Variants in MYOF observed in about 807,000 individuals in gnomAD.
MYOF encodes fer-1-like 3, myoferlin.
Under a neutral mutation model 284.2 loss-of-function variants are expected in MYOF, and 244 were observed. The ratio of observed to expected loss-of-function variants is 0.86; its 90% CI spans 0.77 to 0.95. The LOEUF is 0.95. Among genes scored for constraint, MYOF ranks in the 40% least tolerant of loss-of-function variants. The pLI is 0.00. For missense variants in MYOF, 2,496 were observed against 2,560.6 expected (o/e 0.97, Z 0.54); for synonymous variants, 904 against 919.7 (o/e 0.98, Z 0.31).
intron 27 of MYOF, among the ~76,000 whole-genome samples, chr10:93,362,665 A>G (rs1201623242): frequency 6.6e-6 from 1 of 152,226 alleles, no homozygotes; most frequent in African/African-American, 2.4e-5. Context: ...AGAGTTATGA[A>G]AAGAAAGTTC....
intron 7 of MYOF, among the ~76,000 whole-genome samples, chr10:93,404,661 A>AC (rs1450943264): frequency 6.6e-6 from 1 of 151,432 alleles, no homozygotes; most frequent in African/African-American, 2.4e-5. Context: ...AAAAAAAAAA[A>AC]AGGGAAAAAG....
intron 1 of MYOF, among the ~76,000 whole-genome samples, chr10:93,472,177 G>A (rs1425774681): frequency 6.6e-6 from 1 of 152,130 alleles, no homozygotes; most frequent in East Asian, 1.9e-4. Flanking sequence ...TGCAGCAAGT[G>A]TGAGCTGAAA....
At chr10:93,447,472 A>G (rs573196902) in intron 3 of MYOF, among the ~76,000 whole-genome samples, 2 of 152,266 alleles carry the variant, frequency 1.3e-5, no homozygotes, top group South Asian at 2.1e-4. Context: ...TTAAGCCCCT[A>G]CACCTGGAAC....
At chr10:93,312,569 A>G (rs1842435733) in intron 51 of MYOF, among the ~76,000 whole-genome samples, 1 of 151,838 alleles carries the variant, frequency 6.6e-6, no homozygotes. Context: ...CACGTTGGCC[A>G]GGCTGGTCTC....
chr10:93,364,156 T>G (rs2133938787), intron 26 of MYOF, 81 bp from the exon 27 acceptor site: 2 of 1,183,818 alleles, frequency 1.7e-6, no homozygotes, highest in Middle Eastern at 1.9e-4. Context: ...TCAGGAAGCA[T>G]CTACACCCTG....
intron 3 of MYOF, among the ~76,000 whole-genome samples, chr10:93,438,172 C>T (rs2056125074): frequency 6.6e-6 from 1 of 152,088 alleles, no homozygotes; most frequent in Non-Finnish European, 1.5e-5. Context: ...GACATTTCCT[C>T]TTAGGAATTT....
chr10:93,443,642 C>CAG (rs1564723579), intron 3 of MYOF, among the ~76,000 whole-genome samples: 3 of 152,142 alleles, frequency 2.0e-5, no homozygotes, highest in African/African-American at 7.2e-5. Context: ...GGAAATGAGT[C>CAG]TCTCTAGGCA....
intron 16 of MYOF, among the ~76,000 whole-genome samples, chr10:93,393,911 T>C (rs76698980): frequency 0.04 from 6,066 of 152,272 alleles, 414 homozygotes; most frequent in African/African-American, 0.14. Flanking sequence ...CAATAAATAG[T>C]GCTTACATTC....
chr10:93,389,708 C>A (rs529079009), intron 17 of MYOF, among the ~76,000 whole-genome samples: 58 of 152,146 alleles, frequency 3.8e-4, no homozygotes, highest in Non-Finnish European at 5.7e-4. Flanking sequence ...GATTCCCATT[C>A]ATTGCTTTCT....
At position 93,455,212 on chromosome 10, in the gene MYOF, C is replaced by T. The variant is rs77323656; in HGVS notation, c.144+1670G>A. On this transcript the variant is annotated intron_variant, in intron 2 of 53. Coordinates refer to ENST00000359263, the MANE Select transcript of MYOF (RefSeq NM_013451.4). Reference sequence around the variant, plus strand: ...GCTGAGGCAGGAGAATTGCTTGAACCCAGGAGGCGGAGGTTACGGTGAGCA... The same window carrying T: ...GCTGAGGCAGGAGAATTGCTTGAACTCAGGAGGCGGAGGTTACGGTGAGCA... 8.9e-4 allele frequency among the ~76,000 whole-genome samples: 135 copies of T among 151,410 alleles called. 4 individuals carry two copies. The East Asian group carries it at 0.024, about 27-fold the overall frequency.
chr10:93,333,519 C>CG (rs71483113), intron 42 of MYOF, among the ~76,000 whole-genome samples: 53,653 of 145,798 alleles, frequency 0.37, 9,942 homozygotes, highest in Middle Eastern at 0.48. Context: ...TGGCAGGGGG[C>CG]GGGGGGGAGT....
chr10:93,372,923 T>C lies in MYOF; in HGVS notation c.2457+7A>G, dbSNP rs2133970210. 1.2e-6 allele frequency: 2 copies of C among 1,614,156 alleles called. No homozygotes were observed. The highest frequency in any genetic ancestry group is 1.3e-5 in the African/African-American group (1 of 75,050). ...TGTGTTTCACATGACACAGTGAAGATATGTACCTTCAGAAAGATGGTTTGG... is the reference window on the plus strand; with the variant it reads ...TGTGTTTCACATGACACAGTGAAGACATGTACCTTCAGAAAGATGGTTTGG... On this transcript the variant is annotated splice_region_variant and intron_variant, in intron 24 of 53. Transcript: ENST00000359263.
At chr10:93,337,461 T>G (rs1258623852) in intron 40 of MYOF, 1 of 213,494 alleles carries the variant, frequency 4.7e-6, no homozygotes, top group African/African-American at 2.3e-5. Context: ...ACAAAGCATG[T>G]TGACATCTTG....
chr10:93,423,525 G>GAAAA lies in MYOF; in HGVS notation c.433+2542_433+2545dup, dbSNP rs59012520. 2.7e-4 allele frequency among the ~76,000 whole-genome samples: 4 copies of GAAAA among 14,892 alleles called. 1 individual carries two copies. The highest frequency in any genetic ancestry group is 3.8e-4 in the Non-Finnish European group (3 of 7,806). The allele number at this position is 14,892 out of a possible 152,430, so 9.8% of individuals were successfully genotyped here. A position where few individuals can be genotyped will look rare whatever the true frequency, so the allele number is the denominator to read the frequency against. On this transcript the variant is annotated intron_variant, in intron 5 of 53. Transcript: ENST00000359263. The stretch of plus-strand genomic sequence containing the variant: ...TAGATGACAGAGCAAGACTCCATCT[G>GAAAA]AAAAAAAAAAAAAAAAAAAAAAAAA...
chr10:93,407,855 A>T (rs1033518452), intron 7 of MYOF, among the ~76,000 whole-genome samples: 3 of 151,916 alleles, frequency 2.0e-5, no homozygotes, highest in African/African-American at 7.3e-5. Context: ...ACGTTTTGAC[A>T]CCTCTAAAAA....
At chr10:93,419,321 C>A (rs528124578) in intron 5 of MYOF, among the ~76,000 whole-genome samples, 1 of 152,224 alleles carries the variant, frequency 6.6e-6, no homozygotes, top group East Asian at 1.9e-4. Flanking sequence ...TGCAACCACG[C>A]CCGGCTAATT....
At chr10:93,335,809 C>T (rs912534646) in intron 41 of MYOF, 112 bp downstream of exon 41, 12 of 1,323,656 alleles carry the variant, frequency 9.1e-6, no homozygotes, top group East Asian at 7.2e-5. Context: ...ATGCCAGCAT[C>T]CCTCAGAGGC....
At position 93,319,865 on chromosome 10, in the gene MYOF, A is replaced by G; in HGVS notation, c.5598+7T>C. 6.2e-7 allele frequency: 1 copy of G among 1,613,952 alleles called. No homozygotes were observed. The highest frequency in any genetic ancestry group is 8.5e-7 in the Non-Finnish European group (1 of 1,179,976). ...CCCACTTCCCAGCGGCATATTTCAG[A>G]GCTCACTTTTTTCGCAACGATACAG... On this transcript the variant is annotated splice_region_variant and intron_variant, in intron 49 of 53. Coordinates refer to ENST00000359263, the MANE Select transcript of MYOF (RefSeq NM_013451.4).
intron 41 of MYOF, among the ~76,000 whole-genome samples, chr10:93,335,203 G>C (rs1229055758): frequency 6.6e-6 from 1 of 152,152 alleles, no homozygotes; most frequent in African/African-American, 2.4e-5. Flanking sequence ...GGGCACCCAG[G>C]GAAGGAAGAA....
Sources: allele counts gnomAD v4.1 joint callset (sites outside exome capture counted in the v4.1 genomes callset), GRCh38; gene constraint gnomAD v4.1.1; transcripts MANE v1.5; gene names NCBI Gene and HGNC (gene_info 2026-07-23, HGNC 2026-07-21).